The following RAB11FIP3 variants were observed in gnomAD, a reference collection of about 807,000 sequenced individuals.
The protein encoded by RAB11FIP3 is RAB11 family interacting protein 3, also known as rab11 family-interacting protein 3.
RAB11FIP3 carries 17 observed loss-of-function variants against 77.8 expected under a neutral mutation model. The observed-to-expected ratio is 0.22, with a 90% CI of 0.15 to 0.33. RAB11FIP3 has a LOEUF of 0.33. Ranked by LOEUF, RAB11FIP3 falls within the 10% of genes least tolerant of loss-of-function variation. The probability of loss-of-function intolerance (pLI) is 1.00; values close to 1 mark genes in which losing one functional copy is unlikely to be tolerated. For synonymous variants in RAB11FIP3, 437 were observed against 448.2 expected (o/e 0.98, Z 0.31); for missense variants, 1,005 against 1,011.2 (o/e 0.99, Z 0.08).
chr16:428,087 C>T (rs1233770283), intron 1 of RAB11FIP3, among the ~76,000 whole-genome samples: 1 of 139,774 alleles, frequency 7.2e-6, no homozygotes, highest in Non-Finnish European at 1.5e-5. Context: ...GGCGACAGAG[C>T]GAGACTTCGT....
rs35754560 is a variant in RAB11FIP3, at chr16:440,083, G to GCC, written c.714+13370_714+13371dup. Among the ~76,000 whole-genome samples, 925 of 151,156 alleles carry GCC rather than the reference G, an allele frequency of 6.1e-3. 9 individuals carry two copies. The highest frequency in any genetic ancestry group is 0.021 in the African/African-American group (864 of 41,236). ...TCTCGATCTCCTGACCTCATGATCC[G>GCC]CCCCCCCCATCGGCCTCCCAAAGTG... On this transcript the variant is annotated intron_variant, in intron 1 of 13. Transcript: ENST00000262305.
chr16:439,634 A>G (rs1447050395), intron 1 of RAB11FIP3, among the ~76,000 whole-genome samples: 3 of 152,178 alleles, frequency 2.0e-5, no homozygotes, highest in Non-Finnish European at 4.4e-5. Flanking sequence ...CACACCCGTG[A>G]CACAGCCTCA....
chr16:460,466 A>T (rs1308052694), intron 1 of RAB11FIP3, among the ~76,000 whole-genome samples: 2 of 132,484 alleles, frequency 1.5e-5, no homozygotes, highest in African/African-American at 5.7e-5. Context: ...CCCCCCTCCC[A>T]CCCCATCCCC....
Position 510,535 on chromosome 16 carries a change from T to G in RAB11FIP3, c.1500-125T>G, listed in dbSNP as rs1009128594. On this transcript the variant is annotated intron_variant, in intron 8 of 13. Coordinates refer to ENST00000262305, the MANE Select transcript of RAB11FIP3 (RefSeq NM_014700.4). Reference sequence around the variant, plus strand: ...CCTTGACCAGAGCTCGGGGATGCCCTTCTCGGTGCCCTACTCCCGAGTGGA... The same window carrying G: ...CCTTGACCAGAGCTCGGGGATGCCCGTCTCGGTGCCCTACTCCCGAGTGGA... 4 of 1,153,264 alleles carry G rather than the reference T, an allele frequency of 3.5e-6. No individual in the cohort carries two copies. In the East Asian group the frequency reaches 1.0e-4, roughly 30 times the overall value. The allele number at this position is 1,153,264 out of a possible 1,614,324, so 71.4% of individuals were successfully genotyped here.
At chr16:485,150 C>A (rs2056128658) in intron 4 of RAB11FIP3, among the ~76,000 whole-genome samples, 1 of 152,134 alleles carries the variant, frequency 6.6e-6, no homozygotes, top group East Asian at 1.9e-4. Flanking sequence ...CCCGTGGCAA[C>A]TGCTCAGCCC....
At chr16:429,580 A>G (rs1276560013) in intron 1 of RAB11FIP3, among the ~76,000 whole-genome samples, 2 of 150,086 alleles carry the variant, frequency 1.3e-5, no homozygotes, top group Non-Finnish European at 3.0e-5. Context: ...GCTCACTGCA[A>G]CCTCTGCCTC....
At chr16:491,336 C>T in intron 5 of RAB11FIP3, 2 of 1,266,738 alleles carry the variant, frequency 1.6e-6, no homozygotes, top group Non-Finnish European at 1.0e-6. Context: ...ACCCACAGCC[C>T]CCTTGAGGGC....
At chr16:501,074 G>T (rs558671800) in intron 6 of RAB11FIP3, among the ~76,000 whole-genome samples, 1 of 152,222 alleles carries the variant, frequency 6.6e-6, no homozygotes, top group Non-Finnish European at 1.5e-5. Context: ...GCTGGTGCAC[G>T]TTCACAGGGC....
intron 3 of RAB11FIP3, among the ~76,000 whole-genome samples, chr16:480,304 A>AAAAAAAAAAAAAAAAAAC (rs2056013326): frequency 6.6e-6 from 1 of 151,368 alleles, no homozygotes; most frequent in African/African-American, 2.4e-5. Context: ...AAAAAAAAAA[A>AAAAAAAAAAAAAAAAAAC]AAGTTGAATT....
Position 497,179 on chromosome 16 carries a change from C to A in RAB11FIP3, c.1301+320C>A, listed in dbSNP as rs554077029. 10 of 956,898 alleles carry A rather than the reference C, an allele frequency of 1.0e-5. No homozygotes were observed. In the South Asian group the frequency reaches 1.5e-4, roughly 14 times the overall value. The allele number at this position is 956,898 out of a possible 1,614,324, so 59.3% of individuals were successfully genotyped here. A position where few individuals can be genotyped will look rare whatever the true frequency, so the allele number is the denominator to read the frequency against. On this transcript the variant is annotated intron_variant, in intron 6 of 13. Transcript: ENST00000262305. ...CTATGTTAGCTCTGAGGTAGCGAGACCCAGTGAGGAGCCTGGCTTCTCAGA... is the reference window on the plus strand; with the variant it reads ...CTATGTTAGCTCTGAGGTAGCGAGAACCAGTGAGGAGCCTGGCTTCTCAGA...
At chr16:431,465 C>T (rs567016846) in intron 1 of RAB11FIP3, among the ~76,000 whole-genome samples, 1 of 152,130 alleles carries the variant, frequency 6.6e-6, no homozygotes, top group African/African-American at 2.4e-5. Flanking sequence ...CTGCAACCTC[C>T]ACCACGTGGG....
rs145762540 is a variant in RAB11FIP3 at position 453,310 on chromosome 16, G to A, written c.715-8094G>A. ...AGGATGGTCTCAATCTCCTGACTTC[G>A]TGATCCACTCGCCTTGGCCTCCCAA... On this transcript the variant is annotated intron_variant, in intron 1 of 13. Coordinates refer to ENST00000262305, the MANE Select transcript of RAB11FIP3 (RefSeq NM_014700.4). The A allele has an allele frequency of 1.8e-3, 274 of 152,234 alleles. 1 individual carries two copies. Among genetic ancestry groups the A allele is most frequent in the East Asian group, 0.015 (77 of 5,148 alleles). The allele number at this position is 152,234 out of a possible 1,614,324, so 9.4% of individuals were successfully genotyped here.
intron 7 of RAB11FIP3, among the ~76,000 whole-genome samples, chr16:503,739 G>C (rs1463413002): frequency 6.6e-6 from 1 of 152,026 alleles, no homozygotes. Flanking sequence ...AGTTAGCCAC[G>C]CATGGTGGCG....
chr16:520,274 G>A lies in RAB11FIP3; in HGVS notation c.2013G>A (p.Lys671=). 6.5e-7 allele frequency: 1 copy of A among 1,545,578 alleles called. No individual in the cohort carries two copies. The highest frequency in any genetic ancestry group is 8.7e-7 in the Non-Finnish European group (1 of 1,147,528). The change falls in exon 12 of 14, where the codon AAG becomes AAA. Residue 671 remains lysine (K), a synonymous_variant. Coordinates refer to ENST00000262305, the MANE Select transcript of RAB11FIP3 (RefSeq NM_014700.4). The stretch of plus-strand genomic sequence containing the variant: ...TGGAGCAGGAGGTCCGCAGGCTGAA[G>A]CAGGTGGGCAGGCCTGGGCCTCCCT... ...SELEQEVRRL[K]QDNRNLKEQN... is the part of the protein sequence containing the mutation.
At chr16:512,269 C>G (rs2032213733) in intron 9 of RAB11FIP3, among the ~76,000 whole-genome samples, 1 of 151,984 alleles carries the variant, frequency 6.6e-6, no homozygotes, top group African/African-American at 2.4e-5. Context: ...GAGATGGAGT[C>G]TTGCTCTGTC....
rs2031608053 is a variant in RAB11FIP3, at chr16:502,875, AT to A, written c.1302-128del. 6.6e-6 allele frequency: 5 copies of A among 753,078 alleles called. No individual in the cohort carries two copies. In the East Asian group the frequency reaches 1.3e-4, roughly 20 times the overall value. The allele number at this position is 753,078 out of a possible 1,614,324, so 46.6% of individuals were successfully genotyped here. ...TAAGTGGGAGAAGACCACCACCCAG[AT>A]CAGGGGAGGACCTGTCCCCTGCAAT... On this transcript the variant is annotated intron_variant, in intron 6 of 13. Coordinates refer to ENST00000262305, the MANE Select transcript of RAB11FIP3 (RefSeq NM_014700.4).
chr16:484,849 C>T (rs74003923), intron 4 of RAB11FIP3, among the ~76,000 whole-genome samples: 6,941 of 152,134 alleles, frequency 0.046, 157 homozygotes, highest in African/African-American at 0.051. Context: ...GGATGGTCAT[C>T]GGGAGCACGT....
At chr16:510,618 C>G in intron 8 of RAB11FIP3, 42 bp from the exon 9 acceptor site, 1 of 1,550,528 alleles carries the variant, frequency 6.4e-7, no homozygotes, top group South Asian at 1.2e-5. Context: ...CCACTGCACA[C>G]CCTGCCTGGA....
At chr16:484,858 G>C (rs59465232) in intron 4 of RAB11FIP3, among the ~76,000 whole-genome samples, 3 of 152,080 alleles carry the variant, frequency 2.0e-5, no homozygotes, top group Non-Finnish European at 4.4e-5. Flanking sequence ...TCGGGAGCAC[G>C]TCCCTTCAGC....
Sources: allele counts gnomAD v4.1 joint callset (sites outside exome capture counted in the v4.1 genomes callset), GRCh38; gene constraint gnomAD v4.1.1; transcripts MANE v1.5; gene names NCBI Gene and HGNC (gene_info 2026-07-23, HGNC 2026-07-21).